Variants in GABRB2 observed in about 807,000 individuals in gnomAD.
The protein encoded by GABRB2 is gamma-aminobutyric acid type A receptor subunit beta2.
Under a neutral mutation model 54.7 loss-of-function variants are expected in GABRB2, and 16 were observed. The observed-to-expected ratio is 0.29, with a 90% CI of 0.20 to 0.44. GABRB2 has a LOEUF of 0.44. GABRB2 is among the 20% of genes least tolerant of loss of function. GABRB2 has a pLI of 1.00. For synonymous variants in GABRB2, 244 were observed against 233.8 expected, an observed-to-expected ratio of 1.04 and a Z score of -0.40; for missense variants, 355 against 644.0, an observed-to-expected ratio of 0.55 and a Z score of 4.86.
At chr5:161,309,884 G>T (rs1234655630) in intron 9 of GABRB2, among the ~76,000 whole-genome samples, 1 of 152,078 alleles carries the variant, frequency 6.6e-6, no homozygotes, top group Non-Finnish European at 1.5e-5. Context: ...GCCCATCTCG[G>T]CCTCCCAAAG....
intron 3 of GABRB2, among the ~76,000 whole-genome samples, chr5:161,469,657 G>A (rs1179586696): frequency 6.9e-6 from 1 of 145,078 alleles, no homozygotes; most frequent in Admixed American, 6.8e-5. Flanking sequence ...ACTCAGAGGA[G>A]ATGGAAACAT....
chr5:161,450,123 G>A (rs760412168), intron 4 of GABRB2, among the ~76,000 whole-genome samples: 5 of 152,020 alleles, frequency 3.3e-5, no homozygotes, highest in Non-Finnish European at 5.9e-5. Flanking sequence ...TCTTGGAAGC[G>A]CAGCTGGCTT....
intron 3 of GABRB2, among the ~76,000 whole-genome samples, chr5:161,542,806 C>A (rs1760861146): frequency 6.6e-6 from 1 of 152,122 alleles, no homozygotes; most frequent in East Asian, 1.9e-4. Flanking sequence ...ACCAATCAAC[C>A]ATTCTTTCAC....
chr5:161,342,599 C>T (rs753069023), intron 5 of GABRB2, among the ~76,000 whole-genome samples: 5 of 151,998 alleles, frequency 3.3e-5, no homozygotes, highest in Non-Finnish European at 5.9e-5. Context: ...TAACCATATA[C>T]ATTTTTTAGC....
intron 5 of GABRB2, among the ~76,000 whole-genome samples, chr5:161,343,635 G>A (rs1754236608): frequency 6.6e-6 from 1 of 151,886 alleles, no homozygotes; most frequent in African/African-American, 2.4e-5. Context: ...TACTGACACA[G>A]GTAAAAGAAA....
At chr5:161,415,583 G>A (rs755864735) in intron 4 of GABRB2, among the ~76,000 whole-genome samples, 1 of 152,042 alleles carries the variant, frequency 6.6e-6, no homozygotes, top group Non-Finnish European at 1.5e-5. Flanking sequence ...TGCTAACATA[G>A]TATTCCAAGT....
intron 3 of GABRB2, among the ~76,000 whole-genome samples, chr5:161,521,279 A>G (rs939383545): frequency 6.6e-6 from 1 of 151,918 alleles, no homozygotes; most frequent in African/African-American, 2.4e-5. Context: ...CTTTATTCCT[A>G]TCTTTATTTT....
intron 9 of GABRB2, among the ~76,000 whole-genome samples, chr5:161,296,673 AAT>A (rs1757389327): frequency 6.6e-6 from 1 of 152,184 alleles, no homozygotes; most frequent in South Asian, 2.1e-4. Flanking sequence ...TTAAAAAAAA[AAT>A]GATTGAACAT....
At chr5:161,455,121 T>C (rs1046719728) in intron 4 of GABRB2, among the ~76,000 whole-genome samples, 1 of 152,226 alleles carries the variant, frequency 6.6e-6, no homozygotes, top group African/African-American at 2.4e-5. Flanking sequence ...GAGCAGCTGG[T>C]GTGCATGCTT....
chr5:161,494,520 T>C (rs920923850), intron 3 of GABRB2, among the ~76,000 whole-genome samples: 1 of 145,642 alleles, frequency 6.9e-6, no homozygotes, highest in Non-Finnish European at 1.5e-5. Flanking sequence ...AGTGGGAATA[T>C]ATTTACTGTT....
chr5:161,507,938 T>C (rs909338595), intron 3 of GABRB2, among the ~76,000 whole-genome samples: 1 of 151,920 alleles, frequency 6.6e-6, no homozygotes, highest in Admixed American at 6.6e-5. Context: ...AAGAACAGTT[T>C]GGCAGAATCT....
intron 3 of GABRB2, among the ~76,000 whole-genome samples, chr5:161,490,837 G>A (rs994908988): frequency 4.6e-5 from 7 of 151,650 alleles, no homozygotes; most frequent in Non-Finnish European, 1.0e-4. Flanking sequence ...CCTTTCTCAC[G>A]TGCTTATTGT....
At chr5:161,332,952 C>A (rs748861013) in intron 7 of GABRB2, among the ~76,000 whole-genome samples, 51 of 152,064 alleles carry the variant, frequency 3.4e-4, no homozygotes, top group Non-Finnish European at 6.6e-4. Context: ...TTATAGCTGT[C>A]ATTTTGAGAC....
chr5:161,541,204 T>C (rs983146734), intron 3 of GABRB2, among the ~76,000 whole-genome samples: 2 of 151,020 alleles, frequency 1.3e-5, no homozygotes, highest in South Asian at 4.2e-4. Flanking sequence ...GTCTCAACAG[T>C]GGGCTTAAAA....
chr5:161,316,802 G>C (rs1403684005), intron 9 of GABRB2, among the ~76,000 whole-genome samples: 1 of 152,028 alleles, frequency 6.6e-6, no homozygotes, highest in Non-Finnish European at 1.5e-5. Flanking sequence ...AGCAAAGACA[G>C]TGTTTCACCA....
chr5:161,505,345 G>C (rs1474214598), intron 3 of GABRB2, among the ~76,000 whole-genome samples: 1 of 151,884 alleles, frequency 6.6e-6, no homozygotes. Flanking sequence ...TTGCCGGGCT[G>C]GTCTTGAACT....
chr5:161,296,132 G>T (rs1051919973), intron 9 of GABRB2, among the ~76,000 whole-genome samples: 2 of 152,150 alleles, frequency 1.3e-5, no homozygotes, highest in African/African-American at 4.8e-5. Context: ...GTTACTAAAT[G>T]GTGGAGCTGG....
At chr5:161,498,747 C>G (rs1759333929) in intron 3 of GABRB2, among the ~76,000 whole-genome samples, 1 of 152,036 alleles carries the variant, frequency 6.6e-6, no homozygotes, top group African/African-American at 2.4e-5. Flanking sequence ...ACAATATAAG[C>G]CCAGGCATAA....
intron 5 of GABRB2, among the ~76,000 whole-genome samples, chr5:161,353,290 A>C (rs908932917): frequency 5.9e-5 from 9 of 152,018 alleles, no homozygotes; most frequent in African/African-American, 2.2e-4. Context: ...GTGAATACTA[A>C]GCACATTAAA....
Sources: allele counts gnomAD v4.1 joint callset (sites outside exome capture counted in the v4.1 genomes callset), GRCh38; gene constraint gnomAD v4.1.1; transcripts MANE v1.5; gene names NCBI Gene and HGNC (gene_info 2026-07-23, HGNC 2026-07-21).